C12orf54: variants seen among roughly 807,000 people sequenced by gnomAD.
The protein encoded by C12orf54 is uncharacterized protein C12orf54.
In C12orf54, 24 loss-of-function variants were observed where a neutral mutation model predicts 26.4. The observed-to-expected ratio is 0.91, with a 90% confidence interval of 0.66 to 1.28. The LOEUF is 1.28. C12orf54 is among the 50% of genes most tolerant of loss of function. The pLI, the probability that C12orf54 is intolerant of heterozygous loss-of-function variation, is 0.00. For synonymous variants in C12orf54, 54 were observed against 47.0 expected (o/e 1.15, Z -0.61); for missense variants, 154 against 150.9 (o/e 1.02, Z -0.11).
chr12:48,465,286 C>T, the C12orf54 span, among the ~76,000 whole-genome samples: 1 of 152,088 alleles, frequency 6.6e-6, no homozygotes, highest in Non-Finnish European at 1.5e-5. Flanking sequence ...AGAAGACATA[C>T]ATGCAGCCAA....
In C12orf54 at chr12:48,490,817, G is replaced by A; in HGVS notation, c.174G>A (p.Gln58=). ...TVFKDIQKEL[Q]EDARIRGMSN... The stretch of plus-strand genomic sequence containing the variant: ...GTATTCTCATTATTTTTCAGCTGCA[G>A]GAAGATGCTCGGATTCGAGGTAAAA... Residue 58 remains glutamine (Q), a synonymous_variant, in exon 6 of 9, where the codon CAG becomes CAA. Transcript: ENST00000548364. 6.2e-7 allele frequency: 1 copy of A among 1,613,620 alleles called. No homozygotes were observed. The highest frequency in any genetic ancestry group is 1.1e-5 in the South Asian group (1 of 91,070).
intron 8 of C12orf54, 86 bp downstream of exon 8, chr12:48,495,065 C>G: frequency 9.8e-7 from 1 of 1,020,310 alleles, no homozygotes; most frequent in Non-Finnish European, 1.4e-6. Context: ...GCCCTCATCC[C>G]AACATGGCAG....
chr12:48,472,826 C>T, the C12orf54 span: 4 of 1,614,140 alleles, frequency 2.5e-6, no homozygotes, highest in South Asian at 3.3e-5. Flanking sequence ...ACATAGGCCT[C>T]ACCTCAATTG....
upstream of C12orf54, among the ~76,000 whole-genome samples, chr12:48,480,689 A>G (rs1954189373): frequency 6.6e-6 from 1 of 152,174 alleles, no homozygotes; most frequent in South Asian, 2.1e-4. Flanking sequence ...CATTTGACCC[A>G]TCAATCTCAT....
the C12orf54 span, among the ~76,000 whole-genome samples, chr12:48,460,056 C>T: frequency 6.6e-6 from 1 of 152,206 alleles, no homozygotes; most frequent in African/African-American, 2.4e-5. Context: ...TACAAAAACA[C>T]TCTTATCAGG....
At chr12:48,446,434 T>C in the C12orf54 span, among the ~76,000 whole-genome samples, 3 of 152,210 alleles carry the variant, frequency 2.0e-5, no homozygotes, top group Admixed American at 6.5e-5. Flanking sequence ...TCTCTATGCC[T>C]GTTAATATAG....
chr12:48,423,127 A>G, the C12orf54 span, among the ~76,000 whole-genome samples: 2 of 152,172 alleles, frequency 1.3e-5, no homozygotes, highest in Non-Finnish European at 2.9e-5. Context: ...AGTTTACAAT[A>G]ATTTCTGAGT....
upstream of C12orf54, among the ~76,000 whole-genome samples, chr12:48,478,781 T>G (rs866092564): frequency 1.5e-4 from 23 of 152,278 alleles, no homozygotes; most frequent in African/African-American, 4.3e-4. Flanking sequence ...ACCATCACTG[T>G]GCATCAGAGA....
At chr12:48,455,574 CT>C in the C12orf54 span, among the ~76,000 whole-genome samples, 10 of 152,150 alleles carry the variant, frequency 6.6e-5, no homozygotes, top group African/African-American at 2.4e-4. Context: ...CCAAGTTTTT[CT>C]TTCAGATCTT....
rs189233258 is a variant in C12orf54 at position 48,491,546 on chromosome 12, C to A, written c.193+710C>A. On this transcript the variant is annotated intron_variant, in intron 6 of 8. Transcript: ENST00000548364. ...TTGAGGGCCTGAGAACACTCTCATGCCTCGGCTAGATATGATTCTTGTCTG... is the reference window on the plus strand; with the variant it reads ...TTGAGGGCCTGAGAACACTCTCATGACTCGGCTAGATATGATTCTTGTCTG... Among the ~76,000 whole-genome samples, 277 of 152,256 alleles carry A rather than the reference C, an allele frequency of 1.8e-3. 3 individuals are homozygous for A. Among genetic ancestry groups the A allele is most frequent in the African/African-American group, 6.2e-3 (258 of 41,536 alleles).
the C12orf54 span, among the ~76,000 whole-genome samples, chr12:48,455,151 T>C: frequency 3.9e-5 from 6 of 152,180 alleles, no homozygotes. Flanking sequence ...TTTGTGTCCC[T>C]GTGTACTCAA....
the C12orf54 span, among the ~76,000 whole-genome samples, chr12:48,444,929 T>A: frequency 6.6e-6 from 1 of 152,112 alleles, no homozygotes; most frequent in African/African-American, 2.4e-5. Context: ...TCCCAGCACT[T>A]TGGGAGGCCG....
chr12:48,492,432 A>G (rs1271444434), intron 6 of C12orf54, among the ~76,000 whole-genome samples: 3 of 152,212 alleles, frequency 2.0e-5, no homozygotes, highest in Non-Finnish European at 4.4e-5. Flanking sequence ...CTTCATCCTC[A>G]GAAGCCTGAT....
the C12orf54 span, chr12:48,442,537 C>G: frequency 6.3e-6 from 1 of 157,856 alleles, no homozygotes; most frequent in African/African-American, 2.4e-5. Flanking sequence ...CTGAACACAG[C>G]TGTCTGTTCA....
At chr12:48,493,437 A>T (rs1390493836) in intron 7 of C12orf54, among the ~76,000 whole-genome samples, 2 of 151,988 alleles carry the variant, frequency 1.3e-5, no homozygotes, top group Non-Finnish European at 2.9e-5. Context: ...GGAGTTCGAC[A>T]CAGTGAGACC....
chr12:48,440,130 C>G, the C12orf54 span, among the ~76,000 whole-genome samples: 5 of 151,684 alleles, frequency 3.3e-5, no homozygotes, highest in East Asian at 9.8e-4. Flanking sequence ...AAGGCTGAGG[C>G]AGGAGAATTG....
At chr12:48,448,554 C>G in the C12orf54 span, among the ~76,000 whole-genome samples, 1 of 152,150 alleles carries the variant, frequency 6.6e-6, no homozygotes, top group Non-Finnish European at 1.5e-5. Flanking sequence ...TTTGGTTTAT[C>G]TGCATATTTT....
chr12:48,446,420 C>T, the C12orf54 span, among the ~76,000 whole-genome samples: 1 of 152,192 alleles, frequency 6.6e-6, no homozygotes, highest in Non-Finnish European at 1.5e-5. Context: ...ATTACACAAT[C>T]ATTTCTCTAT....
chr12:48,476,112 A>G, the C12orf54 span, among the ~76,000 whole-genome samples: 2 of 152,180 alleles, frequency 1.3e-5, no homozygotes, highest in Non-Finnish European at 2.9e-5. Flanking sequence ...AAAGAAAAGA[A>G]TTTTCAACCC....
Sources: allele counts gnomAD v4.1 joint callset (sites outside exome capture counted in the v4.1 genomes callset), GRCh38; gene constraint gnomAD v4.1.1; transcripts MANE v1.5; gene names NCBI Gene and HGNC (gene_info 2026-07-23, HGNC 2026-07-21).